Variants in ABCA10 observed in about 807,000 individuals in gnomAD.
The protein encoded by ABCA10 is ATP-binding cassette sub-family A member 10.
In ABCA10, 169 loss-of-function variants were observed where a neutral mutation model predicts 187.5. That is an observed-to-expected ratio of 0.90 (90% confidence interval 0.80 to 1.02). ABCA10 has a LOEUF of 1.02. Among genes scored for constraint, ABCA10 ranks in the 50% least tolerant of loss-of-function variants. The probability of loss-of-function intolerance (pLI) is 0.00; values close to 1 mark genes in which losing one functional copy is unlikely to be tolerated. For missense variants in ABCA10, 1,727 were observed against 1,812.4 expected, an observed-to-expected ratio of 0.95 and a Z score of 0.86; for synonymous variants, 574 against 601.8, an observed-to-expected ratio of 0.95 and a Z score of 0.68.
intron 10 of ABCA10, among the ~76,000 whole-genome samples, chr17:69,198,463 C>T (rs1044837003): frequency 4.6e-5 from 7 of 152,146 alleles, no homozygotes; most frequent in East Asian, 1.9e-4. Flanking sequence ...CAAGCATATA[C>T]GCAGGCTCGA....
intron 37 of ABCA10, chr17:69,149,411 A>G (rs771380109): frequency 4.6e-5 from 12 of 262,786 alleles, no homozygotes; most frequent in Admixed American, 1.4e-4. Flanking sequence ...TCTACAGAGG[A>G]GTCCACTCCA....
upstream of ABCA10, chr17:69,232,951 T>C (rs958747311): frequency 5.3e-5 from 8 of 152,222 alleles, no homozygotes; most frequent in African/African-American, 7.2e-5. Context: ...AGTTTCCTTA[T>C]ATGCTATTTG....
chr17:69,173,090 T>C (rs1393740468), intron 25 of ABCA10, among the ~76,000 whole-genome samples: 1 of 152,036 alleles, frequency 6.6e-6, no homozygotes, highest in African/African-American at 2.4e-5. Context: ...TGGATTAAAT[T>C]AAAAAGTGAA....
At position 69,175,398 on chromosome 17, in the gene ABCA10, C is replaced by T; in HGVS notation, c.2877+8G>A. ...ATCTCAATCTAATTTCCTCTCTCTC[C>T]CTCTTACTTTATAATCGCTGATGCT... On this transcript the variant is annotated splice_region_variant and intron_variant, in intron 23 of 38. Coordinates refer to ENST00000690296, the MANE Select transcript of ABCA10 (RefSeq NM_001377321.1). The T allele has an allele frequency of 6.2e-7, 1 of 1,600,056 alleles. No individual in the cohort carries two copies. Among genetic ancestry groups the T allele is most frequent in the African/African-American group, 1.3e-5 (1 of 74,388 alleles).
Position 69,222,519 on chromosome 17 carries a change from T to C in ABCA10, c.199+14A>G. 6.6e-7 allele frequency: 1 copy of C among 1,524,764 alleles called. No homozygotes were observed. The highest frequency in any genetic ancestry group is 8.7e-7 in the Non-Finnish European group (1 of 1,145,086). 94.5% of individuals were successfully genotyped at this position (1,524,764 alleles called of 1,614,324 possible). Reference sequence around the variant, plus strand: ...GTATCAAAAAAAAATTATAATCAGTTTTTTTATAGTTACCTGTGTATTCAG... The same window carrying C: ...GTATCAAAAAAAAATTATAATCAGTCTTTTTATAGTTACCTGTGTATTCAG... On this transcript the variant is annotated intron_variant, in intron 4 of 38. Transcript: ENST00000690296.
chr17:69,215,286 A>C (rs1404869423), intron 8 of ABCA10, among the ~76,000 whole-genome samples: 1 of 152,262 alleles, frequency 6.6e-6, no homozygotes, highest in Non-Finnish European at 1.5e-5. Flanking sequence ...AACTAGAAAG[A>C]TAATAATGAT....
rs563559663 is a variant in ABCA10 at position 69,204,069 on chromosome 17, C to T, written c.1007-2401G>A. ...ATTCCCTATCAAGTGAAAATTATCA[C>T]CAGGCACCTATAGAGGGGCTTAATT... is the stretch of plus-strand genomic sequence containing the variant. On this transcript the variant is annotated intron_variant, in intron 9 of 38. Transcript: ENST00000690296. Among the ~76,000 whole-genome samples the T allele has an allele frequency of 4.7e-4, 71 of 152,246 alleles. 1 individual carries two copies. Among genetic ancestry groups the T allele is most frequent in the Admixed American group, 1.3e-4 (2 of 15,290 alleles).
At chr17:69,241,435 T>C (rs1231605287) in intron 1 of ABCA10, among the ~76,000 whole-genome samples, 6 of 152,216 alleles carry the variant, frequency 3.9e-5, no homozygotes, top group Non-Finnish European at 7.3e-5. Context: ...CTTTCAAATA[T>C]GCCTAATGTT....
chr17:69,193,448 A>G (rs1224837480), intron 14 of ABCA10, 45 bp downstream of exon 14: 1 of 1,577,572 alleles, frequency 6.3e-7, no homozygotes, highest in African/African-American at 1.4e-5. Flanking sequence ...ATAGTTGTAT[A>G]TCCTTCAATC....
At chr17:69,215,258 C>T (rs9902996) in intron 8 of ABCA10, among the ~76,000 whole-genome samples, 110,429 of 152,090 alleles carry the variant, frequency 0.73, 40,458 homozygotes, top group African/African-American at 0.77. Flanking sequence ...TAAATAAGTA[C>T]TGAAGACTTG....
At chr17:69,187,612 TTAC>T (rs2074431688) in intron 19 of ABCA10, 66 bp downstream of exon 19, 1 of 1,431,850 alleles carries the variant, frequency 7.0e-7, no homozygotes, top group Non-Finnish European at 9.5e-7. Flanking sequence ...ATTAATATAT[TTAC>T]TTTCTTAATA....
intron 11 of ABCA10, chr17:69,196,465 C>A (rs1393072807): frequency 5.6e-6 from 1 of 177,506 alleles, no homozygotes; most frequent in Admixed American, 6.1e-5. Context: ...GGCGGCGGGG[C>A]AGAGACGCTC....
Position 69,192,603 on chromosome 17 carries a change from A to G in ABCA10, c.1831T>C (p.Leu611=), listed in dbSNP as rs1473220998. ...ATACCCCACTTTCGCTTCAGAAACA[A>G]AGATGATCCTGCACATTTCAACTTC... ...NGKLKCAGSS[L]FLKRKWGIGY... is the part of the protein sequence containing the mutation. The change falls in exon 16 of 39, where the codon TTG becomes CTG. Residue 611 remains leucine, a synonymous_variant. Coordinates refer to ENST00000690296, the MANE Select transcript of ABCA10 (RefSeq NM_001377321.1). 1 of 1,613,612 alleles carries G rather than the reference A, an allele frequency of 6.2e-7. No individual in the cohort carries two copies. Among genetic ancestry groups the G allele is most frequent in the Admixed American group, 1.7e-5 (1 of 60,002 alleles).
intron 1 of ABCA10, chr17:69,244,202 A>G (rs1224579981): frequency 1.3e-5 from 2 of 152,174 alleles, no homozygotes; most frequent in Non-Finnish European, 1.5e-5. Flanking sequence ...ATCTATAAAC[A>G]TACCTAGTTT....
chr17:69,187,674 TACTC>T lies in ABCA10; in HGVS notation c.2330+3_2330+6del, dbSNP rs750539140. The stretch of plus-strand genomic sequence containing the variant: ...ACCAAATAGATATAAAGTAATCTGA[TACTC>T]ACAAACACAAAAGAGCTCTCCTTTC... On this transcript the variant is annotated splice_donor_5th_base_variant and intron_variant, in intron 19 of 38. Transcript: ENST00000690296. 1.2e-6 allele frequency: 2 copies of T among 1,612,524 alleles called. No individual in the cohort carries two copies. The highest frequency in any genetic ancestry group is 1.1e-5 in the South Asian group (1 of 90,972).
upstream of ABCA10, chr17:69,233,691 T>G (rs2074846212): frequency 6.6e-6 from 1 of 152,242 alleles, no homozygotes. Flanking sequence ...CTGGCTTTGT[T>G]TATATCCATT....
chr17:69,239,731 T>C (rs1004970891), intron 1 of ABCA10, among the ~76,000 whole-genome samples: 2 of 152,142 alleles, frequency 1.3e-5, no homozygotes, highest in African/African-American at 4.8e-5. Flanking sequence ...ATCACCCCCA[T>C]TGCTCTCTGT....
intron 12 of ABCA10, 147 bp downstream of exon 12, chr17:69,194,237 GA>G: frequency 1.3e-6 from 1 of 749,592 alleles, no homozygotes; most frequent in Non-Finnish European, 2.2e-6. Context: ...ATGTTTTCAT[GA>G]ATTTATGTGC....
At chr17:69,243,180 T>C (rs1343193175) in intron 1 of ABCA10, among the ~76,000 whole-genome samples, 1 of 152,230 alleles carries the variant, frequency 6.6e-6, no homozygotes, top group African/African-American at 2.4e-5. Flanking sequence ...TGCAAAGGTA[T>C]ATATGTAGAC....
Sources: allele counts gnomAD v4.1 joint callset (sites outside exome capture counted in the v4.1 genomes callset), GRCh38; gene constraint gnomAD v4.1.1; transcripts MANE v1.5; gene names NCBI Gene and HGNC (gene_info 2026-07-23, HGNC 2026-07-21).